Variants in TNS1 observed in about 807,000 individuals in gnomAD.
TNS1 encodes the protein tensin-1.
Under a neutral mutation model 168.6 loss-of-function variants are expected in TNS1, and 62 were observed. The ratio of observed to expected loss-of-function variants is 0.37; its 90% CI spans 0.30 to 0.45. The LOEUF is 0.45. Among genes scored for constraint, TNS1 ranks in the 20% least tolerant of loss-of-function variants. The pLI, the probability that TNS1 is intolerant of heterozygous loss-of-function variation, is 1.00. For synonymous variants in TNS1, 934 were observed against 933.2 expected, an observed-to-expected ratio of 1.00 and a Z score of -0.02; for missense variants, 2,240 against 2,339.4, an observed-to-expected ratio of 0.96 and a Z score of 0.88.
intron 16 of TNS1, among the ~76,000 whole-genome samples, chr2:217,884,088 G>A (rs1337624687): frequency 7.9e-6 from 1 of 127,104 alleles, no homozygotes; most frequent in African/African-American, 2.9e-5. Context: ...ATAGGGTCTA[G>A]CACATGCCCG....
At chr2:218,024,514 G>A (rs1284241025) in intron 1 of TNS1, among the ~76,000 whole-genome samples, 1 of 152,108 alleles carries the variant, frequency 6.6e-6, no homozygotes, top group Non-Finnish European at 1.5e-5. Context: ...TGGAGGCAGG[G>A]GACAGTCTGG....
intron 22 of TNS1, among the ~76,000 whole-genome samples, chr2:217,830,577 GGT>G (rs1381696757): frequency 6.6e-6 from 1 of 152,180 alleles, no homozygotes; most frequent in Non-Finnish European, 1.5e-5. Context: ...GTGAACCTGG[GGT>G]GGTGTCTGCT....
At chr2:217,996,328 C>A (rs919015274) in intron 1 of TNS1, among the ~76,000 whole-genome samples, 4 of 152,184 alleles carry the variant, frequency 2.6e-5, no homozygotes, top group African/African-American at 9.7e-5. Context: ...TCCTGGCCAT[C>A]CACTGCCCCA....
At chr2:217,956,352 G>A (rs142527773) in intron 3 of TNS1, among the ~76,000 whole-genome samples, 141 of 152,222 alleles carry the variant, frequency 9.3e-4, no homozygotes, top group African/African-American at 3.3e-3. Flanking sequence ...GAGACCTGGG[G>A]AACAAGGGAG....
At chr2:217,955,148 G>C (rs972510024) in intron 3 of TNS1, among the ~76,000 whole-genome samples, 1 of 152,228 alleles carries the variant, frequency 6.6e-6, no homozygotes, top group Non-Finnish European at 1.5e-5. Context: ...ACATTCCTGG[G>C]CCAAGATAAG....
intron 3 of TNS1, among the ~76,000 whole-genome samples, chr2:217,936,020 G>C (rs185395935): frequency 7.9e-5 from 12 of 152,266 alleles, no homozygotes; most frequent in African/African-American, 2.4e-4. Context: ...TCAACACACA[G>C]TCCCTGACCA....
intron 1 of TNS1, among the ~76,000 whole-genome samples, chr2:217,993,133 G>T (rs1436899022): frequency 6.6e-6 from 1 of 152,176 alleles, no homozygotes; most frequent in Non-Finnish European, 1.5e-5. Flanking sequence ...CAGTAGCATA[G>T]GTGTGCAGTA....
chr2:217,859,791 A>G, intron 18 of TNS1: 3 of 1,075,846 alleles, frequency 2.8e-6, no homozygotes, highest in Admixed American at 4.1e-5. Flanking sequence ...AGAGCCATGC[A>G]GCTGAAAGGC....
chr2:217,936,284 C>T (rs1956604686), intron 3 of TNS1, among the ~76,000 whole-genome samples: 1 of 152,154 alleles, frequency 6.6e-6, no homozygotes, highest in Non-Finnish European at 1.5e-5. Context: ...CCTCTCGGTG[C>T]CTTAAAAATA....
At chr2:217,888,692 C>A (rs897885239) in intron 12 of TNS1, among the ~76,000 whole-genome samples, 22 of 152,104 alleles carry the variant, frequency 1.4e-4, no homozygotes, top group African/African-American at 5.1e-4. Context: ...TTCCCTTGAC[C>A]CTCTCTCTTC....
At chr2:217,955,571 T>C (rs1032716780) in intron 3 of TNS1, among the ~76,000 whole-genome samples, 2 of 152,194 alleles carry the variant, frequency 1.3e-5, no homozygotes, top group African/African-American at 4.8e-5. Flanking sequence ...CCCACTGTAC[T>C]GCCTCAGGCA....
At chr2:217,958,866 C>G (rs1248837405) in intron 3 of TNS1, among the ~76,000 whole-genome samples, 1 of 152,210 alleles carries the variant, frequency 6.6e-6, no homozygotes, top group Non-Finnish European at 1.5e-5. Context: ...TAACTCTACA[C>G]CTCTAGGAAA....
intron 6 of TNS1, 95 bp downstream of exon 6, chr2:217,906,240 C>A: frequency 1.5e-6 from 1 of 673,322 alleles, no homozygotes; most frequent in Non-Finnish European, 2.7e-6. Flanking sequence ...GTAAAGGAAG[C>A]CCACGAAACA....
At chr2:217,937,755 G>A (rs1240369115) in intron 3 of TNS1, among the ~76,000 whole-genome samples, 1 of 152,098 alleles carries the variant, frequency 6.6e-6, no homozygotes, top group Non-Finnish European at 1.5e-5. Flanking sequence ...CCCAGCGAGA[G>A]AAGGGACTCA....
upstream of TNS1, among the ~76,000 whole-genome samples, chr2:218,005,991 C>T (rs1236222893): frequency 6.6e-6 from 1 of 152,250 alleles, no homozygotes; most frequent in African/African-American, 2.4e-5. Flanking sequence ...GTCTCACACA[C>T]AGCAGACATG....
intron 8 of TNS1, among the ~76,000 whole-genome samples, chr2:217,896,464 G>A (rs1952311122): frequency 1.3e-5 from 2 of 152,176 alleles, no homozygotes; most frequent in Admixed American, 1.3e-4. Context: ...ACTGAAGAAG[G>A]CCACGTGGAG....
intron 21 of TNS1, among the ~76,000 whole-genome samples, chr2:217,834,794 G>C (rs575292800): frequency 1.4e-4 from 22 of 152,308 alleles, no homozygotes; most frequent in African/African-American, 5.3e-4. Flanking sequence ...ACGGTAAAAA[G>C]ACTCAAAACA....
chr2:217,909,008 G>A (rs928176454), intron 4 of TNS1, among the ~76,000 whole-genome samples: 10 of 152,052 alleles, frequency 6.6e-5, no homozygotes, highest in East Asian at 5.8e-4. Context: ...GTCAGAGCTC[G>A]TGGAGCTGCC....
chr2:217,862,435 G>A (rs1485873158), intron 18 of TNS1, among the ~76,000 whole-genome samples: 1 of 152,202 alleles, frequency 6.6e-6, no homozygotes, highest in Non-Finnish European at 1.5e-5. Flanking sequence ...AGGTGGCCCT[G>A]AGCAGGGCAG....
Sources: gnomAD v4.1 joint callset for allele counts (sites outside exome capture counted in the v4.1 genomes callset) on GRCh38, gnomAD v4.1.1 for gene constraint, MANE v1.5 for transcripts, NCBI Gene and HGNC (gene_info 2026-07-23, HGNC 2026-07-21) for gene names.